DEPDC1: variants seen among roughly 807,000 people sequenced by gnomAD.
The protein encoded by DEPDC1 is DEP domain containing 1, also known as DEP domain-containing protein 1A.
Under a neutral mutation model 86.8 loss-of-function variants are expected in DEPDC1, and 66 were observed. The ratio of observed to expected loss-of-function variants is 0.76; its 90% CI spans 0.62 to 0.93. The LOEUF (loss-of-function observed/expected upper bound fraction) is 0.93. DEPDC1 is among the 40% of genes least tolerant of loss of function. The pLI is 0.00. For synonymous variants in DEPDC1, 255 were observed against 314.9 expected (o/e 0.81, Z 2.02); for missense variants, 792 against 935.7 (o/e 0.85, Z 2.00).
chr1:68,477,221 TCTC>T (rs1646122403), intron 11 of DEPDC1, 152 bp from the exon 12 acceptor site: 2 of 571,060 alleles, frequency 3.5e-6, no homozygotes, highest in African/African-American at 3.8e-5. Context: ...CCCTCTCTCT[TCTC>T]ATGTGAATAC....
intron 9 of DEPDC1, among the ~76,000 whole-genome samples, chr1:68,481,139 A>G (rs1646152579): frequency 6.6e-6 from 1 of 152,020 alleles, no homozygotes; most frequent in Non-Finnish European, 1.5e-5. Flanking sequence ...TCCACCAAAC[A>G]GAATTGGCAC....
intron 8 of DEPDC1, 149 bp downstream of exon 8, chr1:68,481,897 G>C: frequency 1.2e-6 from 1 of 805,040 alleles, no homozygotes; most frequent in East Asian, 2.9e-5. Flanking sequence ...ATAAATCTTG[G>C]TTATGTCACA....
At chr1:68,491,793 A>G (rs1223783529) in intron 2 of DEPDC1, among the ~76,000 whole-genome samples, 2 of 151,802 alleles carry the variant, frequency 1.3e-5, no homozygotes, top group Admixed American at 1.3e-4. Context: ...TTCTTCTCCA[A>G]GTTTTACTCT....
Position 68,479,409 on chromosome 1 carries a change from G to A in DEPDC1, c.1936-89C>T, listed in dbSNP as rs894809374. The A allele has an allele frequency of 1.5e-5, 15 of 1,032,088 alleles. No individual in the cohort carries two copies. The Admixed American group carries it at 1.9e-4, about 13-fold the overall frequency. The allele number at this position is 1,032,088 out of a possible 1,614,324, so 63.9% of individuals were successfully genotyped here. On this transcript the variant is annotated intron_variant, in intron 9 of 11. Transcript: ENST00000456315. Reference sequence around the variant, plus strand: ...TAATTTCCAGGTAGCATTATGTGAAGTATTGGGAAAAAGTGGTAAGCAGCC... The same window carrying A: ...TAATTTCCAGGTAGCATTATGTGAAATATTGGGAAAAAGTGGTAAGCAGCC...
chr1:68,480,712 A>C (rs1476271149), intron 9 of DEPDC1, among the ~76,000 whole-genome samples: 1 of 151,994 alleles, frequency 6.6e-6, no homozygotes, highest in African/African-American at 2.4e-5. Flanking sequence ...ATAGTGCTAT[A>C]ATTACTCAAG....
At position 68,477,139 on chromosome 1, in the gene DEPDC1, T is replaced by G. The variant is rs561161572; in HGVS notation, c.2299-70A>C. 13 of 1,308,586 alleles carry G rather than the reference T, an allele frequency of 9.9e-6. No homozygotes were observed. In the Admixed American group the frequency reaches 2.4e-4, roughly 24 times the overall value. 81.1% of individuals were successfully genotyped at this position (1,308,586 alleles called of 1,614,324 possible). A position where few individuals can be genotyped will look rare whatever the true frequency, so the allele number is the denominator to read the frequency against. ...CCAAGCTGAAGCAGTGCTCAACATT[T>G]TATAAGAATTCAGTGTTTTTCTCAA... On this transcript the variant is annotated intron_variant, in intron 11 of 11. Transcript: ENST00000456315.
chr1:68,494,326 A>C, intron 2 of DEPDC1, 104 bp downstream of exon 2: 1 of 1,106,248 alleles, frequency 9.0e-7, no homozygotes, highest in Non-Finnish European at 1.3e-6. Context: ...TTTCCAAAGA[A>C]ATAAAACTTC....
Position 68,497,064 on chromosome 1 carries a change from C to CA in DEPDC1, c.-66dup. 6.4e-7 allele frequency: 1 copy of CA among 1,569,858 alleles called. No individual in the cohort carries two copies. Among genetic ancestry groups the CA allele is most frequent in the Non-Finnish European group, 8.7e-7 (1 of 1,143,926 alleles). On this transcript the variant is annotated 5_prime_UTR_variant, in exon 1 of 12. Transcript: ENST00000456315. ...CGACACTCAGGCCCAGCGGCCGCGG[C>CA]AGTGGCGAGTCTCGGCACAACCGTT...
chr1:68,497,078 G>T lies in DEPDC1; in HGVS notation c.-79C>A. 3 of 1,512,304 alleles carry T rather than the reference G, an allele frequency of 2.0e-6. No homozygotes were observed. Among genetic ancestry groups the T allele is most frequent in the Non-Finnish European group, 2.7e-6 (3 of 1,095,014 alleles). 93.7% of individuals were successfully genotyped at this position (1,512,304 alleles called of 1,614,324 possible). On this transcript the variant is annotated 5_prime_UTR_variant, in exon 1 of 12. Transcript: ENST00000456315. ...AGCGGCCGCGGCAGTGGCGAGTCTC[G>T]GCACAACCGTTGGCCCCGCCGCCGA...
Position 68,475,638 on chromosome 1 carries a change from A to T in DEPDC1, c.*1294T>A, listed in dbSNP as rs551159195. The T allele has an allele frequency of 6.6e-6, 1 of 151,980 alleles. No individual in the cohort carries two copies. The highest frequency in any genetic ancestry group is 6.6e-5 in the Admixed American group (1 of 15,226). The allele number at this position is 151,980 out of a possible 1,614,324, so 9.4% of individuals were successfully genotyped here. A position where few individuals can be genotyped will look rare whatever the true frequency, so the allele number is the denominator to read the frequency against. On this transcript the variant is annotated 3_prime_UTR_variant, in exon 12 of 12. Transcript: ENST00000456315. ...ATTATATATTTCTTTACACTTAAGGAATAGATATGAAACAATCTTGGAGTA... is the reference window on the plus strand; with the variant it reads ...ATTATATATTTCTTTACACTTAAGGTATAGATATGAAACAATCTTGGAGTA...
Position 68,496,113 on chromosome 1 carries a change from C to T in DEPDC1, c.48+839G>A, listed in dbSNP as rs1646262920. On this transcript the variant is annotated intron_variant, in intron 1 of 11. Coordinates refer to ENST00000456315, the MANE Select transcript of DEPDC1 (RefSeq NM_001114120.3). The surrounding 1 kb of genome is among the most constrained non-coding windows in gnomAD (Gnocchi z 4.0). ...CTAGAGGGCATTTAACGTCTGTGAGCCTCAGTGTGCACCTGATAAAGTAGG... is the reference window on the plus strand; with the variant it reads ...CTAGAGGGCATTTAACGTCTGTGAGTCTCAGTGTGCACCTGATAAAGTAGG... 6.6e-6 allele frequency among the ~76,000 whole-genome samples: 1 copy of T among 152,158 alleles called. No individual in the cohort carries two copies. Among genetic ancestry groups the T allele is most frequent in the African/African-American group, 2.4e-5 (1 of 41,440 alleles).
chr1:68,484,214 A>G, intron 6 of DEPDC1, 124 bp from the exon 7 acceptor site: 2 of 673,990 alleles, frequency 3.0e-6, no homozygotes, highest in Non-Finnish European at 4.6e-6. Flanking sequence ...ATTCTGCCAC[A>G]GTTCAAAAAT....
intron 10 of DEPDC1, 117 bp downstream of exon 10, chr1:68,479,027 T>C (rs1394722586): frequency 2.4e-6 from 2 of 818,436 alleles, no homozygotes; most frequent in African/African-American, 3.5e-5. Flanking sequence ...CATTCCTGAC[T>C]TTTAGAGGTT....
intron 7 of DEPDC1, chr1:68,483,173 T>G (rs907611817): frequency 1.9e-6 from 1 of 533,930 alleles, no homozygotes. Flanking sequence ...CAGAATACAT[T>G]TAAAAAATCT....
intron 3 of DEPDC1, among the ~76,000 whole-genome samples, 161 bp from the exon 4 acceptor site, chr1:68,489,195 C>G (rs570490164): frequency 6.6e-6 from 1 of 151,796 alleles, no homozygotes; most frequent in Non-Finnish European, 1.5e-5. Flanking sequence ...GCAGTTGTCC[C>G]TACCACCCTC....
At chr1:68,482,977 A>C (rs1646167817) in intron 7 of DEPDC1, 80 bp from the exon 8 acceptor site, 1 of 1,397,926 alleles carries the variant, frequency 7.2e-7, no homozygotes, top group Admixed American at 2.3e-5. Context: ...AGTAAAGTTA[A>C]AAAATAAAGC....
In DEPDC1 at chr1:68,494,585, A is replaced by T. The variant is rs1196325948; in HGVS notation, c.159T>A (p.Leu53=). The T allele has an allele frequency of 6.2e-7, 1 of 1,613,842 alleles. No homozygotes were observed. The highest frequency in any genetic ancestry group is 1.3e-5 in the African/African-American group (1 of 75,026). ...CFTAGEAVDW[L]YDLLRNNSNF... ...TGCTATTATTTCTTAATAGGTCATA[A>T]AGCCAATCCACTGCTTCTCCTGCTG... The change falls in exon 2 of 12, where the codon CTT becomes CTA. Residue 53 remains leucine, a synonymous_variant. Coordinates refer to ENST00000456315, the MANE Select transcript of DEPDC1 (RefSeq NM_001114120.3).
rs779770378 is a variant in DEPDC1, at chr1:68,477,027, T to C, written c.2341A>G (p.Thr781Ala). The C allele has an allele frequency of 5.6e-6, 9 of 1,607,936 alleles. No individual in the cohort carries two copies. Among genetic ancestry groups the C allele is most frequent in the African/African-American group, 5.4e-5 (4 of 74,714 alleles). Residue 781 changes from threonine to alanine, a missense_variant, in exon 12 of 12, where the codon ACC becomes GCC. Transcript: ENST00000456315. Reference protein sequence around the residue: ...YPLIYQKRFPTTESEAALFGD... With the variant: ...YPLIYQKRFPATESEAALFGD... The stretch of plus-strand genomic sequence containing the variant: ...AAAAGTGCTGCTTCACTCTCCGTGG[T>C]TGGAAATCTTTTCTGATATATCAAA...
Position 68,479,309 on chromosome 1 carries a change from G to A in DEPDC1, c.1947C>T (p.Thr649=), listed in dbSNP as rs775459796. 1.3e-6 allele frequency: 2 copies of A among 1,586,976 alleles called. No homozygotes were observed. The highest frequency in any genetic ancestry group is 2.3e-5 in the East Asian group (1 of 44,218). Residue 649 remains threonine, a synonymous_variant, in exon 10 of 12, where the codon ACC becomes ACT. Coordinates refer to ENST00000456315, the MANE Select transcript of DEPDC1 (RefSeq NM_001114120.3). ...CACAGCATAACACACATCGAGAAAA[G>A]GTATGTATCATCTAGAAAAATATTA... The part of the protein sequence containing the change: ...AMGTRSLMIH[T]FSRCVLCCAE...
Sources: allele counts gnomAD v4.1 joint callset (sites outside exome capture counted in the v4.1 genomes callset), GRCh38; gene constraint gnomAD v4.1.1; non-coding constraint Gnocchi (gnomAD v3.1); transcripts MANE v1.5; gene names NCBI Gene and HGNC (gene_info 2026-07-23, HGNC 2026-07-21).